The following GRM7 variants were observed in gnomAD, a reference collection of about 807,000 sequenced individuals.
GRM7 encodes glutamate metabotropic receptor 7.
In GRM7, 35 loss-of-function variants were observed where a neutral mutation model predicts 84.5. The ratio of observed to expected loss-of-function variants is 0.41; its 90% CI spans 0.32 to 0.55. The LOEUF (loss-of-function observed/expected upper bound fraction) is 0.55. Among genes scored for constraint, GRM7 ranks in the 20% least tolerant of loss-of-function variants. The pLI is 0.19. For missense variants in GRM7, 1,003 were observed against 1,194.6 expected (o/e 0.84, Z 2.36); for synonymous variants, 487 against 455.1 (o/e 1.07, Z -0.89).
In GRM7 at chr3:7,307,252, A is replaced by G. The variant is rs79978231; in HGVS notation, c.1033+600A>G. Among the ~76,000 whole-genome samples the G allele has an allele frequency of 2.5e-3, 379 of 152,330 alleles. 1 individual carries two copies. Among genetic ancestry groups the G allele is most frequent in the African/African-American group, 8.6e-3 (359 of 41,578 alleles). On this transcript the variant is annotated intron_variant, in intron 4 of 9. Coordinates refer to ENST00000357716, the MANE Select transcript of GRM7 (RefSeq NM_000844.4). ...GATATTTTGAGAGGCAGAAGTAGGAAAGAGTGTCTGTTGCCACCCTGTAAT... is the reference window on the plus strand; with the variant it reads ...GATATTTTGAGAGGCAGAAGTAGGAGAGAGTGTCTGTTGCCACCCTGTAAT...
At chr3:7,701,813 T>C (rs1339518071) in intron 9 of GRM7, among the ~76,000 whole-genome samples, 1 of 152,188 alleles carries the variant, frequency 6.6e-6, no homozygotes, top group Non-Finnish European at 1.5e-5. Flanking sequence ...GAAAGCCTGC[T>C]AATCACTGAT....
chr3:6,914,452 G>A (rs1696874603), intron 1 of GRM7, among the ~76,000 whole-genome samples: 1 of 151,982 alleles, frequency 6.6e-6, no homozygotes, highest in African/African-American at 2.4e-5. Context: ...CTCCCAGGCT[G>A]GAGTGAATGG....
At position 7,087,111 on chromosome 3, in the gene GRM7, C is replaced by T. The variant is rs552543840; in HGVS notation, c.520-59341C>T. Among the ~76,000 whole-genome samples, 16 of 152,180 alleles carry T rather than the reference C, an allele frequency of 1.1e-4. No homozygotes were observed. The South Asian group carries it at 2.9e-3, about 28-fold the overall frequency. ...CTCACTTTTTTTAGGGGTAATGTTT[C>T]AAAAACAACCTCCAAATGATTGATA... On this transcript the variant is annotated intron_variant, in intron 1 of 9. Transcript: ENST00000357716.
Position 7,170,300 on chromosome 3 carries a change from C to A in GRM7, c.736+23632C>A, listed in dbSNP as rs186408404. Among the ~76,000 whole-genome samples, 10 of 152,212 alleles carry A rather than the reference C, an allele frequency of 6.6e-5. No homozygotes were observed. The East Asian group carries it at 1.5e-3, about 24-fold the overall frequency. ...GGGCAAATCGTGGAGGCCAGTTTTC[C>A]AGAAACAATGCCCCAAGCCATGTAC... On this transcript the variant is annotated intron_variant, in intron 2 of 9. Transcript: ENST00000357716.
rs501305 is a variant in GRM7 at position 6,938,016 on chromosome 3, A to C, written c.519+76109A>C. 2.6e-5 allele frequency among the ~76,000 whole-genome samples: 4 copies of C among 152,114 alleles called. No homozygotes were observed. The South Asian group carries it at 8.3e-4, about 32-fold the overall frequency. On this transcript the variant is annotated intron_variant, in intron 1 of 9. Coordinates refer to ENST00000357716, the MANE Select transcript of GRM7 (RefSeq NM_000844.4). ...GTGGGGAAAAGTTAAGAAATTGGCTATGATGACACAATTACCCATCTGTTC... is the reference window on the plus strand; with the variant it reads ...GTGGGGAAAAGTTAAGAAATTGGCTCTGATGACACAATTACCCATCTGTTC...
intron 2 of GRM7, among the ~76,000 whole-genome samples, chr3:7,171,101 C>T (rs1016082734): frequency 6.6e-6 from 1 of 152,146 alleles, no homozygotes; most frequent in African/African-American, 2.4e-5. Flanking sequence ...GGCTTAGAAA[C>T]AGAAATTTAT....
At chr3:7,003,291 T>A (rs528175572) in intron 1 of GRM7, among the ~76,000 whole-genome samples, 1 of 152,284 alleles carries the variant, frequency 6.6e-6, no homozygotes, top group East Asian at 1.9e-4. Context: ...AAAGGATATG[T>A]TAATTAGCTT....
At chr3:7,687,445 C>T (rs1700628271) in intron 9 of GRM7, among the ~76,000 whole-genome samples, 1 of 152,144 alleles carries the variant, frequency 6.6e-6, no homozygotes, top group East Asian at 1.9e-4. Flanking sequence ...CCACGTGGAA[C>T]AGGGCATTCC....
At chr3:7,659,885 T>C (rs941249542) in intron 8 of GRM7, among the ~76,000 whole-genome samples, 3 of 152,182 alleles carry the variant, frequency 2.0e-5, no homozygotes, top group Non-Finnish European at 4.4e-5. Context: ...TCACTGGGCG[T>C]TTGGTACTAG....
chr3:7,448,913 A>T (rs575888335), intron 5 of GRM7, among the ~76,000 whole-genome samples: 1 of 152,224 alleles, frequency 6.6e-6, no homozygotes, highest in East Asian at 1.9e-4. Flanking sequence ...CCTATTTCAT[A>T]GTATATATTT....
At chr3:7,454,090 A>ACACTCTCTCTCTCTCTCTCT (rs1365192243) in intron 6 of GRM7, among the ~76,000 whole-genome samples, 104 of 140,172 alleles carry the variant, frequency 7.4e-4, no homozygotes, top group Admixed American at 1.5e-3. Flanking sequence ...CTACACACAC[A>ACACTCTCTCTCTCTCTCTCT]CTCTCTCTCT....
intron 7 of GRM7, among the ~76,000 whole-genome samples, chr3:7,493,372 C>A (rs150106616): frequency 6.6e-6 from 1 of 151,796 alleles, no homozygotes; most frequent in African/African-American, 2.4e-5. Flanking sequence ...CATTTAAGAT[C>A]ATAATGTTTC....
chr3:6,888,637 T>C (rs1278945877), intron 1 of GRM7, among the ~76,000 whole-genome samples: 1 of 152,126 alleles, frequency 6.6e-6, no homozygotes, highest in Non-Finnish European at 1.5e-5. Context: ...TACTGTAGCC[T>C]TGTAGTATAG....
chr3:7,630,451 T>C (rs536599693), intron 8 of GRM7, among the ~76,000 whole-genome samples: 1 of 152,264 alleles, frequency 6.6e-6, no homozygotes, highest in South Asian at 2.1e-4. Flanking sequence ...TCTGTTGAGC[T>C]CAACCCCTAA....
chr3:7,259,951 C>CTGTTTTTTTTTTTTT (rs1166957274), intron 2 of GRM7, among the ~76,000 whole-genome samples: 2 of 13,434 alleles, frequency 1.5e-4, no homozygotes, highest in African/African-American at 1.1e-3. Flanking sequence ...TTACCAGCAT[C>CTGTTTTTTTTTTTTT]TGTTTTTTTT....
intron 1 of GRM7, among the ~76,000 whole-genome samples, chr3:7,078,337 G>A (rs1309271463): frequency 6.6e-6 from 1 of 152,186 alleles, no homozygotes; most frequent in Non-Finnish European, 1.5e-5. Context: ...TCAAGAATCT[G>A]CATTCTAACA....
intron 2 of GRM7, among the ~76,000 whole-genome samples, chr3:7,152,521 G>T (rs891747887): frequency 6.6e-6 from 1 of 152,066 alleles, no homozygotes; most frequent in Middle Eastern, 3.2e-3. Flanking sequence ...TTTACCTTGA[G>T]CCCCCATACA....
intron 8 of GRM7, among the ~76,000 whole-genome samples, chr3:7,670,879 T>C (rs1280327936): frequency 6.6e-6 from 1 of 152,174 alleles, no homozygotes; most frequent in Non-Finnish European, 1.5e-5. Flanking sequence ...TTTTGATGAA[T>C]ATGGCAGAGG....
chr3:7,085,413 C>T (rs866666650), intron 1 of GRM7, among the ~76,000 whole-genome samples: 3 of 151,954 alleles, frequency 2.0e-5, no homozygotes, highest in East Asian at 1.9e-4. Flanking sequence ...TAGTTTTATT[C>T]GACTTGGTAT....
Sources: allele counts gnomAD v4.1 joint callset (sites outside exome capture counted in the v4.1 genomes callset), GRCh38; gene constraint gnomAD v4.1.1; transcripts MANE v1.5; gene names NCBI Gene and HGNC (gene_info 2026-07-23, HGNC 2026-07-21).